Variants in CDH26 observed in about 807,000 individuals in gnomAD.
CDH26 encodes cadherin 26, also known as cadherin-like protein 26.
A neutral mutation model predicts 90.3 loss-of-function variants in CDH26; 83 were observed. The ratio of observed to expected loss-of-function variants is 0.92; its 90% confidence interval spans 0.77 to 1.10. CDH26 has a LOEUF of 1.10. Ranked by LOEUF, CDH26 falls within the 50% of genes least tolerant of loss-of-function variation. The pLI is 0.00. For synonymous variants in CDH26, 397 were observed against 396.3 expected (o/e 1.00, Z -0.02); for missense variants, 1,013 against 1,037.6 (o/e 0.98, Z 0.33).
intron 1 of CDH26, among the ~76,000 whole-genome samples, chr20:59,960,601 C>A (rs1358250889): frequency 6.6e-6 from 1 of 152,222 alleles, no homozygotes; most frequent in East Asian, 1.9e-4. Flanking sequence ...ACTTTTTGTG[C>A]AAACTCAGAC....
At chr20:59,980,419 C>T (rs912441895) in intron 4 of CDH26, among the ~76,000 whole-genome samples, 16 of 152,014 alleles carry the variant, frequency 1.1e-4, no homozygotes, top group Admixed American at 4.6e-4. Flanking sequence ...CTCAGCCTCC[C>T]GAGTAGCTGG....
intron 3 of CDH26, among the ~76,000 whole-genome samples, chr20:59,971,233 A>G (rs1342817154): frequency 6.6e-6 from 1 of 152,196 alleles, no homozygotes; most frequent in Non-Finnish European, 1.5e-5. Context: ...AAAGTTTTCA[A>G]GTCTCAGTGG....
Position 59,992,288 on chromosome 20 carries a change from T to C in CDH26, c.1284-90T>C. On this transcript the variant is annotated intron_variant, in intron 9 of 17. Coordinates refer to ENST00000348616, the MANE Select transcript of CDH26 (RefSeq NM_177980.4). This position sits in a 1 kb window ranked among gnomAD's most constrained non-coding sequence, Gnocchi z 5.0. ...TTACTTGTGGTAGAAATAGTGTTTC[T>C]ATGACATATTTTGTTTTTTTATGCA... The C allele has an allele frequency of 2.5e-6, 3 of 1,191,428 alleles. No homozygotes were observed. The highest frequency in any genetic ancestry group is 3.6e-6 in the Non-Finnish European group (3 of 842,472). 73.8% of individuals were successfully genotyped at this position (1,191,428 alleles called of 1,614,324 possible). A position where few individuals can be genotyped will look rare whatever the true frequency, so the allele number is the denominator to read the frequency against.
chr20:59,993,175 A>G (rs907440902), intron 10 of CDH26, among the ~76,000 whole-genome samples: 1 of 152,202 alleles, frequency 6.6e-6, no homozygotes, highest in African/African-American at 2.4e-5. Flanking sequence ...AATCAGCATT[A>G]AGGGAGGAGA....
chr20:60,031,014 G>C (rs1414201321), intron 7 of CDH26, among the ~76,000 whole-genome samples: 5 of 152,234 alleles, frequency 3.3e-5, no homozygotes, highest in African/African-American at 1.2e-4. Context: ...GAGGGCTGCT[G>C]GTTGCACATT....
chr20:60,035,437 A>T (rs1378855152), downstream of CDH26, among the ~76,000 whole-genome samples: 1 of 152,254 alleles, frequency 6.6e-6, no homozygotes, highest in Non-Finnish European at 1.5e-5. Context: ...AAGTAAAATA[A>T]CTTAAAAAGG....
At chr20:60,021,352 G>C (rs1243824467) in intron 7 of CDH26, among the ~76,000 whole-genome samples, 1 of 152,110 alleles carries the variant, frequency 6.6e-6, no homozygotes, top group Non-Finnish European at 1.5e-5. Flanking sequence ...ATTATCTATG[G>C]CTCCCTTTGT....
At position 59,989,178 on chromosome 20, in the gene CDH26, C is replaced by T; in HGVS notation, c.1283+15C>T. The T allele has an allele frequency of 6.2e-7, 1 of 1,612,646 alleles. No individual in the cohort carries two copies. Among genetic ancestry groups the T allele is most frequent in the Non-Finnish European group, 8.5e-7 (1 of 1,179,000 alleles). On this transcript the variant is annotated intron_variant, in intron 9 of 17. Transcript: ENST00000348616. ...AGCCAGATAAGGTGAGAAGAGAGGGCCAAGAAGGGCGGTTGTTTAAGTGGA... is the reference window on the plus strand; with the variant it reads ...AGCCAGATAAGGTGAGAAGAGAGGGTCAAGAAGGGCGGTTGTTTAAGTGGA...
In CDH26 at chr20:60,030,897, G is replaced by A. The variant is rs781162180; in HGVS notation, c.948-334G>A. Among the ~76,000 whole-genome samples the A allele has an allele frequency of 3.3e-5, 5 of 152,196 alleles. No individual in the cohort carries two copies. The highest frequency in any genetic ancestry group is 2.1e-4 in the South Asian group (1 of 4,834). ...GATTCAAGTTTTTGGAAACCAGCCC[G>A]GAGTGAAAACATTTCCTTCAAAAGT... On this transcript the variant is annotated intron_variant, in intron 7 of 8. Transcript: ENST00000370991. The surrounding 1 kb of genome is among the most constrained non-coding windows in gnomAD (Gnocchi z 4.0).
chr20:60,024,768 T>C (rs1417119098), intron 7 of CDH26, among the ~76,000 whole-genome samples: 3 of 152,222 alleles, frequency 2.0e-5, no homozygotes, highest in African/African-American at 7.2e-5. Flanking sequence ...ATCTCTTCTT[T>C]CCTTATTCTT....
At chr20:59,970,318 C>T (rs2145973991) in intron 3 of CDH26, 132 bp downstream of exon 3, 1 of 1,273,612 alleles carries the variant, frequency 7.9e-7, no homozygotes, top group East Asian at 2.7e-5. Context: ...AGAAGGAGCA[C>T]TGGCCTGGGG....
chr20:60,003,077 C>A (rs572441031), intron 16 of CDH26, among the ~76,000 whole-genome samples: 1 of 152,274 alleles, frequency 6.6e-6, no homozygotes, highest in South Asian at 2.1e-4. Context: ...GGCATAAGAG[C>A]TTTTCAGTCC....
At chr20:59,962,272 C>CA (rs1261907448) in intron 1 of CDH26, among the ~76,000 whole-genome samples, 1 of 152,182 alleles carries the variant, frequency 6.6e-6, no homozygotes, top group Non-Finnish European at 1.5e-5. Flanking sequence ...AACAATGAAC[C>CA]ACAAACTGGT....
chr20:59,981,590 GCC>G (rs1569034854), intron 4 of CDH26, among the ~76,000 whole-genome samples: 1 of 152,074 alleles, frequency 6.6e-6, no homozygotes, highest in African/African-American at 2.4e-5. Flanking sequence ...AGTTGAATCA[GCC>G]TAAAATTCTC....
At chr20:59,962,123 C>T (rs2061083466) in intron 1 of CDH26, among the ~76,000 whole-genome samples, 2 of 152,048 alleles carry the variant, frequency 1.3e-5, no homozygotes, top group African/African-American at 4.8e-5. Flanking sequence ...CAGCAGGGGA[C>T]AGAGCAGGTT....
intron 13 of CDH26, 114 bp from the exon 14 acceptor site, chr20:59,999,472 G>T (rs1250650773): frequency 4.9e-6 from 4 of 810,498 alleles, no homozygotes; most frequent in African/African-American, 1.7e-5. Context: ...GACTTCTTCT[G>T]TGATGGCATA....
chr20:59,979,680 G>A (rs2061371449), intron 4 of CDH26, among the ~76,000 whole-genome samples: 2 of 131,760 alleles, frequency 1.5e-5, no homozygotes, highest in African/African-American at 6.0e-5. Flanking sequence ...AGGCTGGAGA[G>A]CAATGGTGCG....
intron 12 of CDH26, 68 bp from the exon 13 acceptor site, chr20:59,996,563 A>AG: frequency 6.2e-7 from 1 of 1,614,234 alleles, no homozygotes; most frequent in Non-Finnish European, 8.5e-7. Context: ...GAACAGAACA[A>AG]GATCCTCATG....
At chr20:60,007,515 A>G (rs2146016924) in intron 17 of CDH26, among the ~76,000 whole-genome samples, 1 of 152,292 alleles carries the variant, frequency 6.6e-6, no homozygotes, top group East Asian at 1.9e-4. Context: ...CTGTATTTAT[A>G]CCCACTAAAA....
Sources: gnomAD v4.1 joint callset for allele counts (sites outside exome capture counted in the v4.1 genomes callset) on GRCh38, gnomAD v4.1.1 for gene constraint, Gnocchi (gnomAD v3.1) non-coding constraint, MANE v1.5 for transcripts, NCBI Gene and HGNC (gene_info 2026-07-23, HGNC 2026-07-21) for gene names.